Variants in FAM107B observed in about 807,000 individuals in gnomAD.
FAM107B encodes the protein protein FAM107B.
FAM107B carries 21 observed loss-of-function variants against 31.5 expected under a neutral mutation model. That is an observed-to-expected ratio of 0.67 (90% CI 0.47 to 0.96). The LOEUF is 0.96. Ranked by LOEUF, FAM107B falls within the 40% of genes least tolerant of loss-of-function variation. The pLI is 0.00. For synonymous variants in FAM107B, 157 were observed against 141.5 expected (o/e 1.11, Z -0.78); for missense variants, 452 against 377.1 (o/e 1.20, Z -1.64).
At chr10:14,695,122 T>C (rs1855234110) in intron 1 of FAM107B, among the ~76,000 whole-genome samples, 1 of 152,216 alleles carries the variant, frequency 6.6e-6, no homozygotes, top group African/African-American at 2.4e-5. Context: ...TCAGGAATTT[T>C]ACAGTTCCAG....
intron 2 of FAM107B, among the ~76,000 whole-genome samples, chr10:14,605,406 C>T (rs1170782670): frequency 1.3e-5 from 2 of 152,148 alleles, no homozygotes; most frequent in Non-Finnish European, 2.9e-5. Context: ...ACAACAGGTT[C>T]GTGGATTTTA....
chr10:14,701,580 A>G (rs866178919), intron 1 of FAM107B, among the ~76,000 whole-genome samples: 2 of 152,278 alleles, frequency 1.3e-5, no homozygotes, highest in South Asian at 2.1e-4. Context: ...CACAGCTCCA[A>G]GAATATAGAC....
intron 1 of FAM107B, among the ~76,000 whole-genome samples, chr10:14,683,679 T>G (rs186365180): frequency 6.6e-6 from 1 of 152,198 alleles, no homozygotes; most frequent in African/African-American, 2.4e-5. Flanking sequence ...TTACAGATCA[T>G]GAGTGAGTAC....
At chr10:14,540,401 A>G (rs968447623) in intron 2 of FAM107B, among the ~76,000 whole-genome samples, 27 of 152,320 alleles carry the variant, frequency 1.8e-4, no homozygotes, top group African/African-American at 5.1e-4. Flanking sequence ...TTCTATCCGC[A>G]TGACAGTCCA....
chr10:14,624,635 C>CAA (rs1381977827), intron 2 of FAM107B, among the ~76,000 whole-genome samples: 45 of 145,176 alleles, frequency 3.1e-4, no homozygotes, highest in African/African-American at 1.1e-3. Context: ...GACTCCGTTT[C>CAA]AAAAAAAAAA....
chr10:14,743,657 T>C (rs1431735077), intron 1 of FAM107B, among the ~76,000 whole-genome samples: 1 of 152,226 alleles, frequency 6.6e-6, no homozygotes, highest in Non-Finnish European at 1.5e-5. Context: ...GAAGATCAGA[T>C]GGTTGTAGAT....
intron 2 of FAM107B, among the ~76,000 whole-genome samples, chr10:14,650,134 C>A (rs1853862169): frequency 1.3e-5 from 2 of 152,028 alleles, no homozygotes; most frequent in Admixed American, 1.3e-4. Flanking sequence ...CATTTGAGGT[C>A]TTCCTAGCAA....
intron 1 of FAM107B, among the ~76,000 whole-genome samples, chr10:14,772,362 A>AAATATATATATATATATAT (rs10651238): frequency 2.1e-5 from 3 of 145,592 alleles, no homozygotes; most frequent in African/African-American, 7.8e-5. Flanking sequence ...TTAAAAAAAA[A>AAATATATATATATATATAT]ATATATATAT....
chr10:14,659,033 A>G (rs1048522418), intron 2 of FAM107B, among the ~76,000 whole-genome samples: 5 of 152,218 alleles, frequency 3.3e-5, no homozygotes, highest in African/African-American at 1.2e-4. Context: ...CAACAGAAGG[A>G]GCTGTGCAGA....
At chr10:14,533,179 G>A (rs1847217389) in intron 2 of FAM107B, among the ~76,000 whole-genome samples, 1 of 152,208 alleles carries the variant, frequency 6.6e-6, no homozygotes, top group Admixed American at 6.5e-5. Flanking sequence ...ACGGGCTGCA[G>A]GCAGGCAGGG....
intron 2 of FAM107B, among the ~76,000 whole-genome samples, chr10:14,664,624 G>C (rs1348441539): frequency 6.6e-6 from 1 of 152,146 alleles, no homozygotes; most frequent in Non-Finnish European, 1.5e-5. Context: ...TGTGTAGTAG[G>C]TTATACCATC....
chr10:14,639,739 A>G (rs1314865691), intron 2 of FAM107B, among the ~76,000 whole-genome samples: 1 of 152,060 alleles, frequency 6.6e-6, no homozygotes, highest in African/African-American at 2.4e-5. Flanking sequence ...GGAGCCCTCC[A>G]TGACCTCATT....
At chr10:14,594,913 T>C (rs765880791) in intron 2 of FAM107B, among the ~76,000 whole-genome samples, 11 of 152,208 alleles carry the variant, frequency 7.2e-5, no homozygotes, top group South Asian at 2.1e-4. Context: ...GGGTATCTCT[T>C]ATGATAGATG....
intron 2 of FAM107B, among the ~76,000 whole-genome samples, chr10:14,599,630 C>G (rs1588647958): frequency 6.6e-6 from 1 of 152,022 alleles, no homozygotes; most frequent in African/African-American, 2.4e-5. Context: ...TAGTGAGACC[C>G]CATCTCTACA....
intron 2 of FAM107B, among the ~76,000 whole-genome samples, chr10:14,628,112 GTT>G (rs71505033): frequency 1.7e-3 from 155 of 92,672 alleles, no homozygotes; most frequent in Non-Finnish European, 2.1e-3. Flanking sequence ...TGTTTTGCTG[GTT>G]TTTTTTTTTT....
At chr10:14,731,534 C>T (rs938860719) in intron 1 of FAM107B, among the ~76,000 whole-genome samples, 2 of 152,070 alleles carry the variant, frequency 1.3e-5, no homozygotes, top group Non-Finnish European at 1.5e-5. Flanking sequence ...TGCACTCCAG[C>T]CTGGGTGACA....
chr10:14,627,737 C>T (rs1853202044), intron 2 of FAM107B, among the ~76,000 whole-genome samples: 1 of 152,108 alleles, frequency 6.6e-6, no homozygotes, highest in Admixed American at 6.5e-5. Context: ...CACACATCTG[C>T]ATCCTCGCCT....
At chr10:14,583,336 C>A (rs573194384) in intron 2 of FAM107B, among the ~76,000 whole-genome samples, 1 of 151,976 alleles carries the variant, frequency 6.6e-6, no homozygotes, top group Admixed American at 6.6e-5. Context: ...AGGGCCCTCG[C>A]GGGGCAGAGT....
At position 14,686,394 on chromosome 10, in the gene FAM107B, A is replaced by G. The variant is rs184478507; in HGVS notation, c.412-18703T>C. On this transcript the variant is annotated intron_variant, in intron 1 of 4. Coordinates refer to ENST00000181796, the MANE Select transcript of FAM107B (RefSeq NM_031453.4). The stretch of plus-strand genomic sequence containing the variant: ...ACAGAGCAAGACTCTGCATGTCTCA[A>G]AAAAAAAAAAAAAAGTGTGGTGGCA... Among the ~76,000 whole-genome samples, 5 of 143,164 alleles carry G rather than the reference A, an allele frequency of 3.5e-5. No individual in the cohort carries two copies. The East Asian group carries it at 1.0e-3, about 30-fold the overall frequency. 93.9% of individuals were successfully genotyped at this position (143,164 alleles called of 152,430 possible).
Sources: gnomAD v4.1 joint callset for allele counts (sites outside exome capture counted in the v4.1 genomes callset) on GRCh38, gnomAD v4.1.1 for gene constraint, MANE v1.5 for transcripts, NCBI Gene and HGNC (gene_info 2026-07-23, HGNC 2026-07-21) for gene names.